PRKG1: variants seen among roughly 807,000 people sequenced by gnomAD.
PRKG1 encodes the protein protein kinase cGMP-dependent 1.
A neutral mutation model predicts 88.1 loss-of-function variants in PRKG1; 35 were observed. That is an observed-to-expected ratio of 0.40 (90% CI 0.30 to 0.53). PRKG1 has a LOEUF of 0.53. Among genes scored for constraint, PRKG1 ranks in the 20% least tolerant of loss-of-function variants. The pLI, the probability that PRKG1 is intolerant of heterozygous loss-of-function variation, is 0.59. For missense variants in PRKG1, 540 were observed against 839.8 expected (o/e 0.64, Z 4.41); for synonymous variants, 303 against 292.5 (o/e 1.04, Z -0.37).
intron 2 of PRKG1, among the ~76,000 whole-genome samples, chr10:51,235,942 AT>A (rs941305872): frequency 6.6e-6 from 1 of 152,192 alleles, no homozygotes; most frequent in Non-Finnish European, 1.5e-5. Context: ...TGGTTCTCAA[AT>A]TTTGAATGTA....
In PRKG1 at chr10:52,163,289, T is replaced by A. The variant is rs149019304; in HGVS notation, c.1076+1326T>A. On this transcript the variant is annotated intron_variant, in intron 9 of 17. Transcript: ENST00000373980. ...TCATTGGTCATTATATATATACATC[T>A]TATATATAATTTACATATAGTATAT... 2.6e-3 allele frequency among the ~76,000 whole-genome samples: 394 copies of A among 148,792 alleles called. 1 individual carries two copies. The highest frequency in any genetic ancestry group is 4.4e-3 in the Admixed American group (65 of 14,822).
At chr10:51,729,384 CT>C (rs1377196860) in intron 3 of PRKG1, among the ~76,000 whole-genome samples, 5 of 152,030 alleles carry the variant, frequency 3.3e-5, no homozygotes, top group Non-Finnish European at 7.4e-5. Context: ...TTTTTAAACA[CT>C]TTACCTGAGT....
intron 5 of PRKG1, among the ~76,000 whole-genome samples, chr10:51,938,709 C>A (rs1217484966): frequency 6.6e-6 from 1 of 151,936 alleles, no homozygotes; most frequent in African/African-American, 2.4e-5. Context: ...TATCCCTAGT[C>A]ACATTTTAGT....
At chr10:51,279,120 C>T (rs1020678447) in intron 2 of PRKG1, among the ~76,000 whole-genome samples, 1 of 152,160 alleles carries the variant, frequency 6.6e-6, no homozygotes, top group Non-Finnish European at 1.5e-5. Flanking sequence ...CTACACACTG[C>T]TTTAAATGTG....
intron 1 of PRKG1, among the ~76,000 whole-genome samples, chr10:51,138,527 T>A (rs1845740760): frequency 6.6e-6 from 1 of 152,204 alleles, no homozygotes; most frequent in Non-Finnish European, 1.5e-5. Context: ...TGGATTATCC[T>A]GTTAGGTTGC....
At chr10:51,271,200 TG>T (rs1044397891) in intron 2 of PRKG1, among the ~76,000 whole-genome samples, 17 of 151,992 alleles carry the variant, frequency 1.1e-4, no homozygotes, top group Non-Finnish European at 1.9e-4. Context: ...ACTAGATGGT[TG>T]GGGGGGAGTA....
At chr10:51,459,547 C>T (rs894706092) in intron 2 of PRKG1, among the ~76,000 whole-genome samples, 6 of 152,050 alleles carry the variant, frequency 3.9e-5, no homozygotes, top group Non-Finnish European at 5.9e-5. Context: ...AACTACTCAA[C>T]GTATATATTC....
chr10:51,163,399 G>T (rs1846417351), intron 2 of PRKG1, among the ~76,000 whole-genome samples: 1 of 152,162 alleles, frequency 6.6e-6, no homozygotes, highest in Non-Finnish European at 1.5e-5. Flanking sequence ...TCACAAATAT[G>T]GGAGGGCAGC....
At chr10:51,023,544 A>G (rs534709684) in intron 1 of PRKG1, among the ~76,000 whole-genome samples, 2 of 152,194 alleles carry the variant, frequency 1.3e-5, no homozygotes, top group Non-Finnish European at 2.9e-5. Context: ...GTGCACCTAT[A>G]TTATCCTGCA....
intron 1 of PRKG1, among the ~76,000 whole-genome samples, chr10:51,102,062 G>C (rs1275014491): frequency 6.6e-6 from 1 of 152,142 alleles, no homozygotes; most frequent in Admixed American, 6.5e-5. Context: ...CATGGCCAAT[G>C]TCAAGCTACT....
intron 2 of PRKG1, among the ~76,000 whole-genome samples, chr10:51,427,045 C>T (rs1564490121): frequency 6.6e-6 from 1 of 152,140 alleles, no homozygotes; most frequent in Non-Finnish European, 1.5e-5. Context: ...GTTGCTATTG[C>T]CTGCATAGTC....
At chr10:51,003,388 A>G (rs1358708845) in intron 1 of PRKG1, among the ~76,000 whole-genome samples, 1 of 152,212 alleles carries the variant, frequency 6.6e-6, no homozygotes, top group East Asian at 1.9e-4. Flanking sequence ...ATCTGACTCC[A>G]GGGCATCACG....
At chr10:51,040,442 C>T (rs1392145150) in intron 1 of PRKG1, among the ~76,000 whole-genome samples, 1 of 151,058 alleles carries the variant, frequency 6.6e-6, no homozygotes, top group Non-Finnish European at 1.5e-5. Flanking sequence ...CCTCAGCCTC[C>T]CGAGCAGCTG....
chr10:51,311,874 A>AT (rs574479940), intron 2 of PRKG1, among the ~76,000 whole-genome samples: 86 of 150,412 alleles, frequency 5.7e-4, no homozygotes, highest in South Asian at 2.3e-3. Context: ...TCTTTCTGTT[A>AT]TTTTTTTTTC....
At chr10:51,763,036 C>T (rs12260823) in intron 3 of PRKG1, among the ~76,000 whole-genome samples, 10,991 of 151,992 alleles carry the variant, frequency 0.072, 455 homozygotes, top group East Asian at 0.092. Flanking sequence ...TTAGGTTAAT[C>T]GTTACAGAGG....
chr10:51,281,841 A>G (rs892565507), intron 2 of PRKG1, among the ~76,000 whole-genome samples: 1 of 152,162 alleles, frequency 6.6e-6, no homozygotes, highest in Admixed American at 6.5e-5. Flanking sequence ...TCCTGAGGGA[A>G]GGGGGTAGCT....
intron 7 of PRKG1, among the ~76,000 whole-genome samples, chr10:52,077,389 T>G (rs1846657283): frequency 6.6e-6 from 1 of 152,168 alleles, no homozygotes. Flanking sequence ...TAAGATATTA[T>G]CTGCTTTCTG....
intron 2 of PRKG1, among the ~76,000 whole-genome samples, chr10:51,163,090 G>A (rs535968945): frequency 2.1e-4 from 31 of 151,128 alleles, no homozygotes; most frequent in South Asian, 8.4e-4. Context: ...TCTTGAATTC[G>A]CGAGGCGGAG....
chr10:51,080,918 T>A (rs978668830), intron 1 of PRKG1, among the ~76,000 whole-genome samples: 1 of 152,210 alleles, frequency 6.6e-6, no homozygotes, highest in Non-Finnish European at 1.5e-5. Context: ...TAATTTTGTT[T>A]GTAAGAGCAG....
Sources: allele counts gnomAD v4.1 joint callset (sites outside exome capture counted in the v4.1 genomes callset), GRCh38; gene constraint gnomAD v4.1.1; transcripts MANE v1.5; gene names NCBI Gene and HGNC (gene_info 2026-07-23, HGNC 2026-07-21).